The following RCAN1 variants were observed in gnomAD, a reference collection of about 807,000 sequenced individuals.
The protein encoded by RCAN1 is calcipressin-1.
Under a neutral mutation model 22.9 loss-of-function variants are expected in RCAN1, and 11 were observed. The ratio of observed to expected loss-of-function variants is 0.48; its 90% CI spans 0.30 to 0.79. RCAN1 has a LOEUF of 0.79. Ranked by LOEUF, RCAN1 falls within the 30% of genes least tolerant of loss-of-function variation. The pLI, the probability that RCAN1 is intolerant of heterozygous loss-of-function variation, is 0.06. For missense variants in RCAN1, 291 were observed against 337.8 expected (o/e 0.86, Z 1.09); for synonymous variants, 136 against 142.3 (o/e 0.96, Z 0.32).
intron 1 of RCAN1, among the ~76,000 whole-genome samples, chr21:34,569,097 A>G (rs1244081869): frequency 2.0e-5 from 3 of 152,210 alleles, no homozygotes; most frequent in Admixed American, 6.5e-5. Flanking sequence ...CTCCCACAAC[A>G]TGTGGGAATT....
intron 3 of RCAN1, chr21:34,521,023 T>C (rs920609612): frequency 9.0e-7 from 1 of 1,105,712 alleles, no homozygotes; most frequent in Non-Finnish European, 1.1e-6. Flanking sequence ...TCCCTCACCA[T>C]GGCCTATGGT....
intron 1 of RCAN1, among the ~76,000 whole-genome samples, chr21:34,558,495 C>A (rs1053836716): frequency 3.3e-5 from 5 of 152,192 alleles, no homozygotes; most frequent in African/African-American, 1.2e-4. Context: ...AGAAAACGTT[C>A]ATCATTGTTT....
At chr21:34,588,924 T>C (rs551148392) in intron 1 of RCAN1, among the ~76,000 whole-genome samples, 1 of 152,194 alleles carries the variant, frequency 6.6e-6, no homozygotes, top group Non-Finnish European at 1.5e-5. Context: ...GGTAAGCCAG[T>C]CATGAAAAAA....
At chr21:34,526,881 G>A (rs2123593268) in intron 1 of RCAN1, 1 of 1,450,422 alleles carries the variant, frequency 6.9e-7, no homozygotes, top group Non-Finnish European at 9.0e-7. Context: ...CCACTCCCTG[G>A]GGAAAAAAAA....
chr21:34,586,375 GA>G (rs1482237739), intron 1 of RCAN1, among the ~76,000 whole-genome samples: 1 of 142,476 alleles, frequency 7.0e-6, no homozygotes, highest in Non-Finnish European at 1.5e-5. Context: ...ATTACTCTAG[GA>G]ATCAATAACA....
At chr21:34,549,510 C>T (rs982035939) in intron 1 of RCAN1, among the ~76,000 whole-genome samples, 5 of 152,104 alleles carry the variant, frequency 3.3e-5, no homozygotes, top group Non-Finnish European at 7.4e-5. Flanking sequence ...TGAAAAATTA[C>T]GGAGGGAAAC....
chr21:34,607,243 C>CA (rs1988555284), intron 1 of RCAN1, among the ~76,000 whole-genome samples: 1 of 152,164 alleles, frequency 6.6e-6, no homozygotes, highest in Admixed American at 6.5e-5. Context: ...ATAGTCCTCT[C>CA]AATGAAGTGT....
chr21:34,605,913 C>A (rs866208555), intron 1 of RCAN1, among the ~76,000 whole-genome samples: 3 of 99,136 alleles, frequency 3.0e-5, no homozygotes, highest in Non-Finnish European at 6.1e-5. Flanking sequence ...GAGCAAGACT[C>A]GGTCTCAGAA....
At chr21:34,600,108 T>G (rs1988284737) in intron 1 of RCAN1, among the ~76,000 whole-genome samples, 1 of 152,152 alleles carries the variant, frequency 6.6e-6, no homozygotes, top group Non-Finnish European at 1.5e-5. Context: ...CCCTGGTACC[T>G]CCCTATGACA....
intron 1 of RCAN1, among the ~76,000 whole-genome samples, chr21:34,573,449 A>G (rs1278327984): frequency 6.6e-6 from 1 of 152,218 alleles, no homozygotes; most frequent in East Asian, 1.9e-4. Context: ...GCTCCTGCTC[A>G]TAGGTTCCAA....
chr21:34,538,620 A>C (rs1270061775), intron 1 of RCAN1, among the ~76,000 whole-genome samples: 2 of 152,118 alleles, frequency 1.3e-5, no homozygotes, highest in Non-Finnish European at 2.9e-5. Context: ...GGGAGAGTGA[A>C]GCTACCAAGT....
intron 1 of RCAN1, among the ~76,000 whole-genome samples, chr21:34,579,815 C>T (rs1035549588): frequency 6.6e-6 from 1 of 152,214 alleles, no homozygotes; most frequent in Non-Finnish European, 1.5e-5. Flanking sequence ...CAACCCAGTC[C>T]TCAGAAGAGG....
chr21:34,562,232 T>C (rs892086753), intron 1 of RCAN1, among the ~76,000 whole-genome samples: 5 of 152,240 alleles, frequency 3.3e-5, no homozygotes, highest in Admixed American at 2.0e-4. Flanking sequence ...AAAGACTTCA[T>C]GGAGCACCGA....
chr21:34,523,908 G>A (rs1321038980), intron 1 of RCAN1, 198 bp from the exon 2 acceptor site: 2 of 413,452 alleles, frequency 4.8e-6, no homozygotes, highest in Admixed American at 3.9e-5. Context: ...TCAGCCTCCC[G>A]AGTAGCTGGG....
intron 1 of RCAN1, among the ~76,000 whole-genome samples, chr21:34,542,528 T>C (rs1985959376): frequency 7.8e-6 from 1 of 127,702 alleles, no homozygotes; most frequent in Non-Finnish European, 1.6e-5. Context: ...GTGTGACAAC[T>C]TGGGAGTGGA....
intron 1 of RCAN1, among the ~76,000 whole-genome samples, chr21:34,568,237 C>T (rs778548900): frequency 1.3e-5 from 2 of 152,166 alleles, no homozygotes; most frequent in Admixed American, 6.6e-5. Flanking sequence ...CGGAATTCAG[C>T]CTTGAAATCT....
At chr21:34,584,345 G>C (rs1235505684) in intron 1 of RCAN1, among the ~76,000 whole-genome samples, 1 of 152,020 alleles carries the variant, frequency 6.6e-6, no homozygotes, top group Non-Finnish European at 1.5e-5. Flanking sequence ...TGAAAAATAA[G>C]CCTTCCAACA....
intron 1 of RCAN1, among the ~76,000 whole-genome samples, chr21:34,527,789 C>A (rs140487904): frequency 6.7e-6 from 1 of 150,366 alleles, no homozygotes; most frequent in Non-Finnish European, 1.5e-5. Flanking sequence ...GCTTAGCGTT[C>A]CAATAATGGA....
At chr21:34,521,874 A>T in intron 2 of RCAN1, 3 of 552,436 alleles carry the variant, frequency 5.4e-6, no homozygotes, top group Non-Finnish European at 9.6e-6. Flanking sequence ...GCCCCCTCCC[A>T]GGGCTATGGG....
Sources: allele counts gnomAD v4.1 joint callset (sites outside exome capture counted in the v4.1 genomes callset), GRCh38; gene constraint gnomAD v4.1.1; transcripts MANE v1.5; gene names NCBI Gene and HGNC (gene_info 2026-07-23, HGNC 2026-07-21).